C1QTNF3: variants seen among roughly 807,000 people sequenced by gnomAD.
C1QTNF3 encodes C1q and TNF related 3, also known as complement C1q tumor necrosis factor-related protein 3.
Under a neutral mutation model 32.6 loss-of-function variants are expected in C1QTNF3, and 26 were observed. The ratio of observed to expected loss-of-function variants is 0.80; its 90% CI spans 0.58 to 1.11. The LOEUF is 1.11. Ranked by LOEUF, C1QTNF3 falls within the 50% of genes least tolerant of loss-of-function variation. The probability of loss-of-function intolerance (pLI) is 0.00; values close to 1 mark genes in which losing one functional copy is unlikely to be tolerated. For missense variants in C1QTNF3, 362 were observed against 398.2 expected, an observed-to-expected ratio of 0.91 and a Z score of 0.77; for synonymous variants, 155 against 146.0, an observed-to-expected ratio of 1.06 and a Z score of -0.44.
the C1QTNF3 span, among the ~76,000 whole-genome samples, chr5:34,239,128 A>T: frequency 1.3e-5 from 2 of 152,174 alleles, no homozygotes; most frequent in African/African-American, 4.8e-5. Context: ...AGCCTTATGA[A>T]AGGTCCTTAA....
At chr5:34,137,959 A>T in the C1QTNF3 span, among the ~76,000 whole-genome samples, 69 of 152,380 alleles carry the variant, frequency 4.5e-4, no homozygotes, top group African/African-American at 1.7e-3. Context: ...TAAGTAAAAA[A>T]TAGGCAATAA....
rs183733218 is a variant in C1QTNF3, at chr5:34,018,400, G to T, written c.*2183C>A. 6.6e-6 allele frequency among the ~76,000 whole-genome samples: 1 copy of T among 152,124 alleles called. No homozygotes were observed. Among genetic ancestry groups the T allele is most frequent in the East Asian group, 1.9e-4 (1 of 5,178 alleles). ...GAATTCCTAGCCCTTTGCCTTCTAT[G>T]GCTGTAAAAACATTCTACTTTATGT... On this transcript the variant is annotated 3_prime_UTR_variant, in exon 6 of 6. Coordinates refer to ENST00000382065, the MANE Select transcript of C1QTNF3 (RefSeq NM_181435.6).
rs112387479 is a variant in C1QTNF3, at chr5:34,027,559, G to A, written c.700+1195C>T. The stretch of plus-strand genomic sequence containing the variant: ...CTAAAACTACAAAAATTAGCCAGGT[G>A]TGGTGGCCTGGGTCTGCAGTCCCAG... On this transcript the variant is annotated intron_variant, in intron 4 of 5. Coordinates refer to ENST00000382065, the MANE Select transcript of C1QTNF3 (RefSeq NM_181435.6). 7.6e-3 allele frequency among the ~76,000 whole-genome samples: 1,156 copies of A among 152,118 alleles called. 11 individuals carry two copies. Among genetic ancestry groups the A allele is most frequent in the Admixed American group, 0.021 (325 of 15,286 alleles).
upstream of C1QTNF3, chr5:34,043,541 T>G: frequency 5.7e-6 from 1 of 174,394 alleles, no homozygotes; most frequent in Non-Finnish European, 1.2e-5. Context: ...AAATCTACCC[T>G]TGTGCTTGCC....
chr5:34,236,818 C>T, the C1QTNF3 span, among the ~76,000 whole-genome samples: 4 of 151,692 alleles, frequency 2.6e-5, no homozygotes, highest in Admixed American at 6.6e-5. Context: ...TCAGGTGATC[C>T]GCCCACCTTG....
the C1QTNF3 span, among the ~76,000 whole-genome samples, chr5:34,088,647 C>T: frequency 6.6e-6 from 1 of 152,098 alleles, no homozygotes; most frequent in African/African-American, 2.4e-5. Context: ...AATCATATTG[C>T]TCTACAACTG....
At chr5:34,104,838 G>C in the C1QTNF3 span, among the ~76,000 whole-genome samples, 56 of 150,890 alleles carry the variant, frequency 3.7e-4, no homozygotes, top group African/African-American at 1.3e-3. Context: ...CACCCTGCCT[G>C]TTTTATTTTA....
the C1QTNF3 span, among the ~76,000 whole-genome samples, chr5:34,169,956 A>G: frequency 6.6e-6 from 1 of 152,310 alleles, no homozygotes; most frequent in Admixed American, 6.5e-5. Flanking sequence ...AATTAAAATC[A>G]GGATCTTGTA....
At chr5:34,161,957 C>A in the C1QTNF3 span, among the ~76,000 whole-genome samples, 1 of 152,018 alleles carries the variant, frequency 6.6e-6, no homozygotes, top group Non-Finnish European at 1.5e-5. Flanking sequence ...GATTTTTTTT[C>A]TAATCCATGC....
At chr5:34,242,511 C>T in the C1QTNF3 span, among the ~76,000 whole-genome samples, 3 of 152,144 alleles carry the variant, frequency 2.0e-5, no homozygotes, top group Non-Finnish European at 4.4e-5. Flanking sequence ...TAAATTAATT[C>T]AAGATGGATT....
At chr5:34,194,633 G>A in the C1QTNF3 span, among the ~76,000 whole-genome samples, 6 of 151,732 alleles carry the variant, frequency 4.0e-5, no homozygotes, top group South Asian at 2.1e-4. Context: ...ACTTCTCCAC[G>A]GTACTTACCA....
chr5:34,035,850 C>A, intron 1 of C1QTNF3, 92 bp from the exon 2 acceptor site: 1 of 897,464 alleles, frequency 1.1e-6, no homozygotes, highest in Non-Finnish European at 1.7e-6. Flanking sequence ...CTTAGGTAAG[C>A]TTAATTCCAA....
chr5:34,064,611 G>C, the C1QTNF3 span, among the ~76,000 whole-genome samples: 7 of 152,308 alleles, frequency 4.6e-5, no homozygotes, highest in South Asian at 1.4e-3. Flanking sequence ...GCTGGATCAG[G>C]AGTGCAGCGG....
chr5:34,074,254 G>A, the C1QTNF3 span, among the ~76,000 whole-genome samples: 1 of 151,746 alleles, frequency 6.6e-6, no homozygotes, highest in Non-Finnish European at 1.5e-5. Context: ...GCTTGGAGCA[G>A]GAGCCCAGTT....
chr5:34,124,037 C>T, the C1QTNF3 span: 3 of 159,100 alleles, frequency 1.9e-5, no homozygotes, highest in Non-Finnish European at 4.1e-5. Flanking sequence ...TACCACATTG[C>T]TAAAGGTCAA....
At chr5:34,094,661 A>G in the C1QTNF3 span, among the ~76,000 whole-genome samples, 1 of 151,966 alleles carries the variant, frequency 6.6e-6, no homozygotes, top group African/African-American at 2.4e-5. Flanking sequence ...GAGATAGTAC[A>G]GTATACATTT....
intron 3 of C1QTNF3, among the ~76,000 whole-genome samples, chr5:34,032,083 T>C (rs1466485213): frequency 6.6e-6 from 1 of 152,246 alleles, no homozygotes; most frequent in African/African-American, 2.4e-5. Flanking sequence ...TTTATTTTTA[T>C]CCACAAGTTA....
At chr5:34,134,704 C>T in the C1QTNF3 span, among the ~76,000 whole-genome samples, 1 of 152,084 alleles carries the variant, frequency 6.6e-6, no homozygotes, top group Non-Finnish European at 1.5e-5. Flanking sequence ...GGAGTTCACT[C>T]ATGATTTGGC....
chr5:34,234,532 T>C, the C1QTNF3 span, among the ~76,000 whole-genome samples: 1 of 152,148 alleles, frequency 6.6e-6, no homozygotes, highest in African/African-American at 2.4e-5. Context: ...TGCAGTTCTC[T>C]CCCTTAGGCC....
Sources: allele counts gnomAD v4.1 joint callset (sites outside exome capture counted in the v4.1 genomes callset), GRCh38; gene constraint gnomAD v4.1.1; transcripts MANE v1.5; gene names NCBI Gene and HGNC (gene_info 2026-07-23, HGNC 2026-07-21).